The following ZNF860 variants were observed in gnomAD, a reference collection of about 807,000 sequenced individuals.
ZNF860 encodes the protein zinc finger protein 860.
For synonymous variants in ZNF860, 206 were observed against 248.9 expected (o/e 0.83, Z 1.62); for missense variants, 641 against 759.2 (o/e 0.84, Z 1.83).
downstream of ZNF860, among the ~76,000 whole-genome samples, chr3:31,995,165 TTA>T (rs2125526207): frequency 6.6e-6 from 1 of 152,326 alleles, no homozygotes; most frequent in East Asian, 1.9e-4. Context: ...GATAAACATC[TTA>T]ACAGAAAACA....
chr3:31,993,077 C>T (rs1325191958), downstream of ZNF860, among the ~76,000 whole-genome samples: 3 of 152,060 alleles, frequency 2.0e-5, no homozygotes, highest in Non-Finnish European at 4.4e-5. Flanking sequence ...GAGCCAAAGA[C>T]GGGAAAATAT....
At chr3:31,984,869 A>G (rs1248590702) in intron 1 of ZNF860, among the ~76,000 whole-genome samples, 2 of 152,254 alleles carry the variant, frequency 1.3e-5, no homozygotes, top group Non-Finnish European at 2.9e-5. Flanking sequence ...CTTACAGGTT[A>G]GAAGCAAGAT....
At chr3:31,993,609 A>G (rs187071240), downstream of ZNF860, among the ~76,000 whole-genome samples, 73 of 152,324 alleles carry the variant, frequency 4.8e-4, no homozygotes, top group Non-Finnish European at 5.0e-4. Flanking sequence ...CAACATTACT[A>G]GTCATTAGGG....
rs1352132098 is a variant in ZNF860, at chr3:31,981,993, GGTTTGTGCGA to G, written c.-421+94_-421+103del. 2.0e-5 allele frequency: 3 copies of G among 152,236 alleles called. No individual in the cohort carries two copies. The highest frequency in any genetic ancestry group is 4.4e-5 in the Non-Finnish European group (3 of 68,098). 9.4% of individuals were successfully genotyped at this position (152,236 alleles called of 1,614,324 possible). On this transcript the variant is annotated intron_variant, in intron 1 of 1. Transcript: ENST00000360311. The surrounding 1 kb of genome is among the most constrained non-coding windows in gnomAD (Gnocchi z 4.5). The stretch of plus-strand genomic sequence containing the variant: ...CTGGGGTGAGGCGCGCGAACTCTCA[GGTTTGTGCGA>G]GTGCTTCCTTAAATTGAGTGTCCTA...
At position 31,989,252 on chromosome 3, in the gene ZNF860, G is replaced by A. The variant is rs564390212; in HGVS notation, c.173G>A (p.Arg58Lys). 1.2e-6 allele frequency: 2 copies of A among 1,614,178 alleles called. No homozygotes were observed. Among genetic ancestry groups the A allele is most frequent in the South Asian group, 1.1e-5 (1 of 91,070 alleles). ...AGGGCCATGATGTTGGAGAACTACA[G>A]GAACCTGCATTCTGTGGATATCTCT... ...LYRAMMLENYRNLHSVDISSK... is the reference protein window; with the variant it reads ...LYRAMMLENYKNLHSVDISSK... Residue 58 changes from arginine (R) to lysine (K), a missense_variant, in exon 2 of 2, where the codon AGG (arginine) becomes AAG (lysine). By Grantham distance (26) the Arg-to-Lys change is conservative (BLOSUM62 2). Coordinates refer to ENST00000360311, the MANE Select transcript of ZNF860 (RefSeq NM_001137674.3).
chr3:32,005,738 C>T, the ZNF860 span, among the ~76,000 whole-genome samples: 1 of 151,868 alleles, frequency 6.6e-6, no homozygotes, highest in Non-Finnish European at 1.5e-5. Flanking sequence ...AAGGCACCTG[C>T]CGCCATGCCC....
chr3:31,984,511 G>C (rs1698906357), intron 1 of ZNF860, among the ~76,000 whole-genome samples: 1 of 152,132 alleles, frequency 6.6e-6, no homozygotes, highest in Non-Finnish European at 1.5e-5. Context: ...TTACCAGACT[G>C]GGTGGTGGCA....
At chr3:31,984,796 G>C (rs955320816) in intron 1 of ZNF860, among the ~76,000 whole-genome samples, 2 of 152,222 alleles carry the variant, frequency 1.3e-5, no homozygotes, top group African/African-American at 4.8e-5. Flanking sequence ...TTTAGGGTTA[G>C]ACTATGAACT....
chr3:31,985,251 AAAAATAC>A (rs766542484), intron 1 of ZNF860, among the ~76,000 whole-genome samples: 1 of 152,214 alleles, frequency 6.6e-6, no homozygotes, highest in Non-Finnish European at 1.5e-5. Flanking sequence ...AAAATGTTTT[AAAAATAC>A]AAAATATTGG....
the ZNF860 span, among the ~76,000 whole-genome samples, chr3:32,004,395 A>C: frequency 6.6e-6 from 1 of 152,220 alleles, no homozygotes; most frequent in Non-Finnish European, 1.5e-5. Context: ...GAAGGATTGC[A>C]TATTAATTCT....
At chr3:31,983,641 T>A (rs1338922990) in intron 1 of ZNF860, among the ~76,000 whole-genome samples, 1 of 152,234 alleles carries the variant, frequency 6.6e-6, no homozygotes, top group Admixed American at 6.5e-5. Flanking sequence ...TTCCTCCTGC[T>A]GGTGACACTG....
the ZNF860 span, among the ~76,000 whole-genome samples, chr3:32,003,128 G>A: frequency 6.6e-6 from 1 of 152,232 alleles, no homozygotes; most frequent in South Asian, 2.1e-4. Context: ...TGGTAAATTG[G>A]AGGAATCACA....
chr3:31,993,899 C>CAA (rs377747870), downstream of ZNF860, among the ~76,000 whole-genome samples: 1 of 150,684 alleles, frequency 6.6e-6, no homozygotes, highest in African/African-American at 2.4e-5. Flanking sequence ...TATGTTTGTA[C>CAA]AAAAAAAAAC....
chr3:31,984,233 G>T (rs1344657286), intron 1 of ZNF860, among the ~76,000 whole-genome samples: 1 of 151,994 alleles, frequency 6.6e-6, no homozygotes, highest in Non-Finnish European at 1.5e-5. Context: ...GTAGAGATGG[G>T]ATTTCACTGT....
Position 31,981,929 on chromosome 3 carries a change from G to A in ZNF860, c.-421+27G>A, listed in dbSNP as rs1184083722. On this transcript the variant is annotated intron_variant, in intron 1 of 1. Transcript: ENST00000360311. The surrounding 1 kb of genome is among the most constrained non-coding windows in gnomAD (Gnocchi z 4.5). ...TAAGCTCGCCGGGCATTTTCATGCA[G>A]CAGGATTATGATAAATGCTTAACAG... 6.6e-6 allele frequency: 1 copy of A among 152,202 alleles called. No individual in the cohort carries two copies. The highest frequency in any genetic ancestry group is 1.5e-5 in the Non-Finnish European group (1 of 68,064). The allele number at this position is 152,202 out of a possible 1,614,324, so 9.4% of individuals were successfully genotyped here. A position where few individuals can be genotyped will look rare whatever the true frequency, so the allele number is the denominator to read the frequency against.
chr3:31,993,529 C>CA (rs539316928), downstream of ZNF860, among the ~76,000 whole-genome samples: 8 of 152,150 alleles, frequency 5.3e-5, no homozygotes, highest in South Asian at 1.0e-3. Context: ...TTTTTAATCA[C>CA]AAAAAATGTG....
chr3:31,990,246 A>G lies in ZNF860; in HGVS notation c.1167A>G (p.Gln389=), dbSNP rs1168137876. 6.2e-7 allele frequency: 1 copy of G among 1,613,620 alleles called. No individual in the cohort carries two copies. Among genetic ancestry groups the G allele is most frequent in the East Asian group, 2.2e-5 (1 of 44,834 alleles). ...FSGQSTLIHH[Q]AIHGIGKLYK... ...GGCAGTCAACACTTATTCACCATCA[A>G]GCAATCCATGGTATAGGGAAACTTT... Residue 389 remains glutamine (Q), a synonymous_variant, in exon 2 of 2, where the codon CAA becomes CAG. Coordinates refer to ENST00000360311, the MANE Select transcript of ZNF860 (RefSeq NM_001137674.3).
downstream of ZNF860, among the ~76,000 whole-genome samples, chr3:31,993,123 C>T (rs754177746): frequency 6.6e-6 from 1 of 151,898 alleles, no homozygotes; most frequent in African/African-American, 2.4e-5. Context: ...ACTTGTTTCC[C>T]GCATATTCAA....
chr3:31,982,085 C>T (rs1698861760), intron 1 of ZNF860, among the ~76,000 whole-genome samples, 183 bp downstream of exon 1: 1 of 152,144 alleles, frequency 6.6e-6, no homozygotes, highest in Admixed American at 6.5e-5. Context: ...ATAAACCTGG[C>T]AAGTCAAAAC....
Sources: allele counts gnomAD v4.1 joint callset (sites outside exome capture counted in the v4.1 genomes callset), GRCh38; gene constraint gnomAD v4.1.1; non-coding constraint Gnocchi (gnomAD v3.1); transcripts MANE v1.5; gene names NCBI Gene and HGNC (gene_info 2026-07-23, HGNC 2026-07-21).